Variants in SAMD5 observed in about 807,000 individuals in gnomAD.
SAMD5 encodes sterile alpha motif domain-containing protein 5.
Under a neutral mutation model 11.3 loss-of-function variants are expected in SAMD5, and 13 were observed. That is an observed-to-expected ratio of 1.15 (90% CI 0.75 to 1.83). The LOEUF (loss-of-function observed/expected upper bound fraction) is 1.83, where lower values mean the gene tolerates loss of function less well. Ranked by LOEUF, SAMD5 falls within the 40% of genes most tolerant of loss-of-function variation. The probability of loss-of-function intolerance (pLI) is 0.00; values close to 1 mark genes in which losing one functional copy is unlikely to be tolerated. For synonymous variants in SAMD5, 129 were observed against 111.3 expected (o/e 1.16, Z -1.00); for missense variants, 255 against 239.1 (o/e 1.07, Z -0.44).
intron 1 of SAMD5, among the ~76,000 whole-genome samples, chr6:147,553,232 T>C (rs1406383343): frequency 2.6e-5 from 4 of 152,138 alleles, no homozygotes; most frequent in Non-Finnish European, 4.4e-5. Flanking sequence ...AATGGTTAGG[T>C]TGGGTAATAT....
the SAMD5 span, among the ~76,000 whole-genome samples, chr6:147,812,069 G>A: frequency 6.6e-6 from 1 of 152,140 alleles, no homozygotes; most frequent in Non-Finnish European, 1.5e-5. Flanking sequence ...GAACCAAGGA[G>A]AGTCTCAGAA....
rs934615373 is a variant in SAMD5, at chr6:147,567,764, A to G, written c.*3308A>G. 2 of 985,220 alleles carry G rather than the reference A, an allele frequency of 2.0e-6. No individual in the cohort carries two copies. Among genetic ancestry groups the G allele is most frequent in the African/African-American group, 3.5e-5 (2 of 57,202 alleles). 61.0% of individuals were successfully genotyped at this position (985,220 alleles called of 1,614,324 possible). A position where few individuals can be genotyped will look rare whatever the true frequency, so the allele number is the denominator to read the frequency against. ...ATTTCCTTATCATTGCCTGAAACCCACTGAATAAGTCCCCTTTGATTTCTC... is the reference window on the plus strand; with the variant it reads ...ATTTCCTTATCATTGCCTGAAACCCGCTGAATAAGTCCCCTTTGATTTCTC... On this transcript the variant is annotated 3_prime_UTR_variant, in exon 2 of 2. Transcript: ENST00000367474.
chr6:147,568,610 C>T lies in SAMD5; in HGVS notation c.*4154C>T. 1.0e-6 allele frequency: 1 copy of T among 985,250 alleles called. No homozygotes were observed. The highest frequency in any genetic ancestry group is 1.2e-6 in the Non-Finnish European group (1 of 829,820). The allele number at this position is 985,250 out of a possible 1,614,324, so 61.0% of individuals were successfully genotyped here. Reference sequence around the variant, plus strand: ...TTTTTATATCAGCTGACATCTTGTGCTTACAGTAAAGCCATATAGATGCAC... The same window carrying T: ...TTTTTATATCAGCTGACATCTTGTGTTTACAGTAAAGCCATATAGATGCAC... On this transcript the variant is annotated 3_prime_UTR_variant, in exon 2 of 2. Coordinates refer to ENST00000367474, the MANE Select transcript of SAMD5 (RefSeq NM_001030060.3).
intron 1 of SAMD5, among the ~76,000 whole-genome samples, chr6:147,679,149 A>G (rs1235321165): frequency 6.6e-6 from 1 of 152,158 alleles, no homozygotes; most frequent in Non-Finnish European, 1.5e-5. Context: ...ACATTTTTAT[A>G]AGATCACATT....
intron 1 of SAMD5, among the ~76,000 whole-genome samples, chr6:147,537,892 A>G (rs1029064062): frequency 6.6e-6 from 1 of 152,204 alleles, no homozygotes; most frequent in Non-Finnish European, 1.5e-5. Context: ...ATTTACCCAA[A>G]GGAGAAAATA....
At chr6:147,755,685 A>T in the SAMD5 span, among the ~76,000 whole-genome samples, 2 of 152,088 alleles carry the variant, frequency 1.3e-5, no homozygotes, top group Admixed American at 6.6e-5. Context: ...GATTTGGGGA[A>T]TATAACTTAA....
intron 1 of SAMD5, among the ~76,000 whole-genome samples, chr6:147,623,733 A>G (rs1790006874): frequency 1.3e-5 from 2 of 152,356 alleles, no homozygotes; most frequent in South Asian, 4.1e-4. Context: ...TCAAAGAGCC[A>G]TTACATTTAA....
the SAMD5 span, among the ~76,000 whole-genome samples, chr6:147,941,131 C>G: frequency 4.4e-4 from 67 of 152,254 alleles, no homozygotes; most frequent in African/African-American, 1.6e-3. Flanking sequence ...TTATCCTCTT[C>G]TTTATACTGT....
At chr6:147,577,328 A>G (rs1285235681) in intron 1 of SAMD5, among the ~76,000 whole-genome samples, 1 of 152,242 alleles carries the variant, frequency 6.6e-6, no homozygotes, top group Non-Finnish European at 1.5e-5. Flanking sequence ...CCCTACCAAT[A>G]CAAAGAAGAG....
intron 1 of SAMD5, among the ~76,000 whole-genome samples, chr6:147,635,415 GA>G (rs1790214473): frequency 6.6e-6 from 1 of 152,144 alleles, no homozygotes; most frequent in Non-Finnish European, 1.5e-5. Context: ...TTACATATGA[GA>G]AAAATGAAGT....
intron 1 of SAMD5, among the ~76,000 whole-genome samples, chr6:147,555,994 A>C (rs1788848864): frequency 6.6e-6 from 1 of 152,224 alleles, no homozygotes; most frequent in African/African-American, 2.4e-5. Context: ...GATATGCACA[A>C]ATGTAAAACA....
At chr6:147,921,932 G>A in the SAMD5 span, among the ~76,000 whole-genome samples, 2 of 152,092 alleles carry the variant, frequency 1.3e-5, no homozygotes, top group African/African-American at 4.8e-5. Context: ...CACAAGCAAA[G>A]GATAGAAGTA....
intron 1 of SAMD5, among the ~76,000 whole-genome samples, chr6:147,528,582 G>C (rs937116249): frequency 3.3e-5 from 5 of 152,270 alleles, no homozygotes; most frequent in Admixed American, 2.0e-4. Context: ...ATTAACTTTA[G>C]GGGGATGCAG....
intron 1 of SAMD5, among the ~76,000 whole-genome samples, chr6:147,727,821 T>C (rs1791650412): frequency 1.3e-5 from 2 of 152,202 alleles, no homozygotes; most frequent in Non-Finnish European, 2.9e-5. Flanking sequence ...AAAATGATAC[T>C]ACCTTTTTGT....
chr6:147,883,183 C>T, the SAMD5 span, among the ~76,000 whole-genome samples: 60 of 152,298 alleles, frequency 3.9e-4, no homozygotes, highest in African/African-American at 1.0e-3. Flanking sequence ...GTAGTAGGCA[C>T]GCTTGTGTAT....
intron 1 of SAMD5, among the ~76,000 whole-genome samples, chr6:147,562,338 C>T (rs780842289): frequency 1.1e-4 from 16 of 152,184 alleles, no homozygotes; most frequent in Middle Eastern, 3.2e-3. Context: ...TCAAGAAAAG[C>T]GGACTCCCTC....
At chr6:147,823,971 A>AATTAT in the SAMD5 span, among the ~76,000 whole-genome samples, 4 of 152,174 alleles carry the variant, frequency 2.6e-5, no homozygotes, top group South Asian at 6.2e-4. Context: ...TGAATTATGG[A>AATTAT]GTTATGAAAT....
chr6:147,870,617 G>T, the SAMD5 span, among the ~76,000 whole-genome samples: 1 of 151,656 alleles, frequency 6.6e-6, no homozygotes, highest in Non-Finnish European at 1.5e-5. Context: ...ACACAAGGGG[G>T]TGTTCCATAA....
chr6:147,551,003 G>A (rs1788762799), intron 1 of SAMD5, among the ~76,000 whole-genome samples: 1 of 152,120 alleles, frequency 6.6e-6, no homozygotes, highest in African/African-American at 2.4e-5. Flanking sequence ...GACATTCAGT[G>A]ATTGAATAGC....
Sources: allele counts gnomAD v4.1 joint callset (sites outside exome capture counted in the v4.1 genomes callset), GRCh38; gene constraint gnomAD v4.1.1; transcripts MANE v1.5; gene names NCBI Gene and HGNC (gene_info 2026-07-23, HGNC 2026-07-21).